The following KDM2B variants were observed in gnomAD, a reference collection of about 807,000 sequenced individuals.
The protein encoded by KDM2B is lysine-specific demethylase 2B.
KDM2B carries 26 observed loss-of-function variants against 150.0 expected under a neutral mutation model. The ratio of observed to expected loss-of-function variants is 0.17; its 90% CI spans 0.13 to 0.24. The LOEUF (loss-of-function observed/expected upper bound fraction) is 0.24, where lower values mean the gene tolerates loss of function less well. KDM2B is among the 10% of genes least tolerant of loss of function. The probability of loss-of-function intolerance (pLI) is 1.00; values close to 1 mark genes in which losing one functional copy is unlikely to be tolerated. For missense variants in KDM2B, 1,265 were observed against 1,816.9 expected, an observed-to-expected ratio of 0.70 and a Z score of 5.52; for synonymous variants, 734 against 729.5, an observed-to-expected ratio of 1.01 and a Z score of -0.10.
intron 12 of KDM2B, among the ~76,000 whole-genome samples, chr12:121,474,239 C>T (rs900155103): frequency 1.3e-5 from 2 of 152,128 alleles, no homozygotes; most frequent in African/African-American, 2.4e-5. Flanking sequence ...TACGGCCGGG[C>T]ACGGTGGCTC....
chr12:121,523,262 T>C (rs1165589650), intron 8 of KDM2B, among the ~76,000 whole-genome samples: 1 of 151,952 alleles, frequency 6.6e-6, no homozygotes, highest in Non-Finnish European at 1.5e-5. Flanking sequence ...GGCTGGGAAA[T>C]ACAGAGGGGA....
intron 12 of KDM2B, among the ~76,000 whole-genome samples, chr12:121,481,213 ACCGGGCC>A (rs2140029073): frequency 6.6e-6 from 1 of 152,218 alleles, no homozygotes; most frequent in South Asian, 2.1e-4. Flanking sequence ...GGTGTGAGCC[ACCGGGCC>A]CAGCCGATGA....
chr12:121,545,866 C>A (rs1888995724), intron 6 of KDM2B, among the ~76,000 whole-genome samples: 1 of 151,800 alleles, frequency 6.6e-6, no homozygotes, highest in Admixed American at 6.6e-5. Flanking sequence ...TCCAGCCCCA[C>A]TGGCCTTCCT....
chr12:121,515,671 C>T (rs1347307263), intron 9 of KDM2B, among the ~76,000 whole-genome samples: 1 of 151,696 alleles, frequency 6.6e-6, no homozygotes, highest in African/African-American at 2.4e-5. Flanking sequence ...CTCAAAGTGC[C>T]CGTCTGGAAA....
At position 121,492,209 on chromosome 12, in the gene KDM2B, T is replaced by A. The variant is rs150729771; in HGVS notation, c.1734+2370A>T. Among the ~76,000 whole-genome samples, 1,377 of 152,272 alleles carry A rather than the reference T, an allele frequency of 9.0e-3. 10 individuals are homozygous for A. Among genetic ancestry groups the A allele is most frequent in the Non-Finnish European group, 0.015 (1,019 of 68,008 alleles). On this transcript the variant is annotated intron_variant, in intron 12 of 22. Coordinates refer to ENST00000377071, the MANE Select transcript of KDM2B (RefSeq NM_032590.5). The stretch of plus-strand genomic sequence containing the variant: ...GTGAGCCACATAGGTACTTTTGAGT[T>A]TTTTTGTTGCCACATTTGAAAAGGT...
intron 17 of KDM2B, chr12:121,443,271 C>A: frequency 1.7e-6 from 1 of 592,964 alleles, no homozygotes; most frequent in Non-Finnish European, 3.0e-6. Flanking sequence ...CCTCCCACCC[C>A]ACAGACCTGG....
chr12:121,535,412 G>A (rs28520411), intron 6 of KDM2B, among the ~76,000 whole-genome samples: 52,689 of 151,942 alleles, frequency 0.35, 11,150 homozygotes, highest in Non-Finnish European at 0.45. Flanking sequence ...GGGCTGGGGG[G>A]CAGGACAATG....
chr12:121,565,679 C>T (rs1242720214), intron 4 of KDM2B, among the ~76,000 whole-genome samples: 1 of 152,022 alleles, frequency 6.6e-6, no homozygotes. Context: ...GGCTGGAGTG[C>T]AGTGGCGCAA....
chr12:121,481,349 C>T (rs1207922486), intron 12 of KDM2B, among the ~76,000 whole-genome samples: 3 of 152,042 alleles, frequency 2.0e-5, no homozygotes, highest in Non-Finnish European at 2.9e-5. Flanking sequence ...ATTAAGACTC[C>T]CCCCTTCATC....
At chr12:121,500,181 G>T (rs1884399104) in intron 11 of KDM2B, among the ~76,000 whole-genome samples, 1 of 152,034 alleles carries the variant, frequency 6.6e-6, no homozygotes. Context: ...GAAATAGGTT[G>T]TGCTGGAGGG....
chr12:121,416,368 T>G, the KDM2B span: 5 of 1,609,612 alleles, frequency 3.1e-6, no homozygotes, highest in South Asian at 5.5e-5. Context: ...TTTCAGTCTT[T>G]AGAAAGAAGG....
Position 121,549,387 on chromosome 12 carries a change from C to A in KDM2B, c.576+73G>T. ...CATGAGCCTTTTTGCAAGGCACAAC[C>A]CAGGTGGCAGGGGGACAGGGAAGGA... On this transcript the variant is annotated intron_variant, in intron 5 of 22. Transcript: ENST00000377071. The surrounding 1 kb of genome is among the most constrained non-coding windows in gnomAD (Gnocchi z 4.4). 2.0e-5 allele frequency: 28 copies of A among 1,419,700 alleles called. No homozygotes were observed. Among genetic ancestry groups the A allele is most frequent in the Non-Finnish European group, 2.7e-5 (28 of 1,040,832 alleles). 87.9% of individuals were successfully genotyped at this position (1,419,700 alleles called of 1,614,324 possible).
At chr12:121,410,365 C>T in the KDM2B span, among the ~76,000 whole-genome samples, 2 of 151,868 alleles carry the variant, frequency 1.3e-5, no homozygotes, top group Non-Finnish European at 2.9e-5. Context: ...GGTGAAACCC[C>T]GTCTCTACTA....
chr12:121,443,592 G>T (rs1387344064), intron 17 of KDM2B, 88 bp downstream of exon 17: 2 of 793,570 alleles, frequency 2.5e-6, no homozygotes, highest in East Asian at 2.4e-5. Flanking sequence ...AGGCAGCAGT[G>T]GGGTGGAGGA....
intron 8 of KDM2B, among the ~76,000 whole-genome samples, chr12:121,525,712 A>G (rs1328896513): frequency 1.3e-5 from 2 of 152,174 alleles, no homozygotes; most frequent in African/African-American, 4.8e-5. Context: ...CCCATTTGAT[A>G]GATGGATCGT....
At chr12:121,445,706 G>C (rs1261128849) in intron 13 of KDM2B, among the ~76,000 whole-genome samples, 3 of 152,232 alleles carry the variant, frequency 2.0e-5, no homozygotes, top group Non-Finnish European at 2.9e-5. Context: ...AAAATGGACA[G>C]AGCATGTTAG....
chr12:121,509,846 G>A lies in KDM2B; in HGVS notation c.1368C>T (p.Ala456=). ...CAGGTGCTTTGGGCTTCTTCCCGAGGGCCTCCTGGTCCTCAGAGGGCGTGC... is the reference window on the plus strand; with the variant it reads ...CAGGTGCTTTGGGCTTCTTCCCGAGAGCCTCCTGGTCCTCAGAGGGCGTGC... ...PTSTPSEDQE[A]LGKKPKAPAL... Residue 456 remains alanine, a synonymous_variant, in exon 11 of 23, where the codon GCC becomes GCT. Coordinates refer to ENST00000377071, the MANE Select transcript of KDM2B (RefSeq NM_032590.5). The A allele has an allele frequency of 1.2e-6, 2 of 1,614,030 alleles. No homozygotes were observed. The highest frequency in any genetic ancestry group is 1.7e-6 in the Non-Finnish European group (2 of 1,180,026).
At chr12:121,546,504 TCCCGA>T (rs1889060823) in intron 6 of KDM2B, among the ~76,000 whole-genome samples, 1 of 144,228 alleles carries the variant, frequency 6.9e-6, no homozygotes, top group Non-Finnish European at 1.5e-5. Flanking sequence ...TGCCTCAGCC[TCCCGA>T]GTAGCTGGGA....
downstream of KDM2B, among the ~76,000 whole-genome samples, chr12:121,428,823 C>A (rs781998100): frequency 6.6e-6 from 1 of 152,228 alleles, no homozygotes; most frequent in Non-Finnish European, 1.5e-5. Flanking sequence ...CAGCCTCCTG[C>A]AGTTGCTCCC....
Sources: gnomAD v4.1 joint callset for allele counts (sites outside exome capture counted in the v4.1 genomes callset) on GRCh38, gnomAD v4.1.1 for gene constraint, Gnocchi (gnomAD v3.1) non-coding constraint, MANE v1.5 for transcripts, NCBI Gene and HGNC (gene_info 2026-07-23, HGNC 2026-07-21) for gene names.